Variants in MARCHF1 observed in about 807,000 individuals in gnomAD.
MARCHF1 encodes the protein membrane associated ring-CH-type finger 1.
Under a neutral mutation model 54.2 loss-of-function variants are expected in MARCHF1, and 40 were observed. The observed-to-expected ratio is 0.74, with a 90% CI of 0.57 to 0.96. The LOEUF is 0.96. MARCHF1 is among the 40% of genes least tolerant of loss of function. The pLI is 0.00. For synonymous variants in MARCHF1, 236 were observed against 236.3 expected, an observed-to-expected ratio of 1.00 and a Z score of 0.01; for missense variants, 586 against 656.5, an observed-to-expected ratio of 0.89 and a Z score of 1.17.
intron 3 of MARCHF1, among the ~76,000 whole-genome samples, chr4:163,944,468 C>T (rs1254448299): frequency 1.3e-5 from 2 of 152,148 alleles, no homozygotes; most frequent in Non-Finnish European, 2.9e-5. Context: ...GATAAAGGCC[C>T]AGCTGCTTGA....
intron 3 of MARCHF1, among the ~76,000 whole-genome samples, chr4:163,897,142 C>G (rs1750827433): frequency 6.6e-6 from 1 of 152,210 alleles, no homozygotes; most frequent in Admixed American, 6.5e-5. Flanking sequence ...TAGACCTTGT[C>G]ATTACCACCA....
At chr4:164,194,670 A>G (rs1731206468) in intron 1 of MARCHF1, among the ~76,000 whole-genome samples, 1 of 152,174 alleles carries the variant, frequency 6.6e-6, no homozygotes, top group South Asian at 2.1e-4. Context: ...GACGCATTTA[A>G]TGGATTTTCA....
rs755441539 is a variant in MARCHF1 at position 163,538,327 on chromosome 4, AATT to A, written c.1339+7266_1339+7268del. On this transcript the variant is annotated intron_variant, in intron 9 of 9. Coordinates refer to ENST00000514618, the MANE Select transcript of MARCHF1 (RefSeq NM_001394959.1). ...CAAAAATAAAAAAGTAAAATTTATA[AATT>A]TTTTTTTTTCACACACACACACAAA... 5.3e-5 allele frequency among the ~76,000 whole-genome samples: 3 copies of A among 56,860 alleles called. No homozygotes were observed. The East Asian group carries it at 1.3e-3, about 25-fold the overall frequency. The allele number at this position is 56,860 out of a possible 152,430, so 37.3% of individuals were successfully genotyped here. A position where few individuals can be genotyped will look rare whatever the true frequency, so the allele number is the denominator to read the frequency against.
chr4:163,752,938 T>C (rs991109595), intron 4 of MARCHF1, among the ~76,000 whole-genome samples: 2 of 152,204 alleles, frequency 1.3e-5, no homozygotes, highest in Non-Finnish European at 2.9e-5. Context: ...AAATAAATTT[T>C]CATTGCCAGT....
At chr4:163,713,569 T>C (rs1324017939) in intron 4 of MARCHF1, among the ~76,000 whole-genome samples, 1 of 152,230 alleles carries the variant, frequency 6.6e-6, no homozygotes, top group Non-Finnish European at 1.5e-5. Flanking sequence ...TTGTATTTTA[T>C]GTGAACTTTA....
chr4:163,941,105 C>T lies in MARCHF1; in HGVS notation c.-39+47396G>A, dbSNP rs934302470. 5.3e-5 allele frequency among the ~76,000 whole-genome samples: 8 copies of T among 152,170 alleles called. No homozygotes were observed. In the South Asian group the frequency reaches 1.5e-3, roughly 28 times the overall value. On this transcript the variant is annotated intron_variant, in intron 3 of 9. Transcript: ENST00000514618. ...AGTCTTATGCTTGAATCCTACTCTGCTAAACAGGCTATGTATCCTTGAGAG... is the reference window on the plus strand; with the variant it reads ...AGTCTTATGCTTGAATCCTACTCTGTTAAACAGGCTATGTATCCTTGAGAG...
At chr4:164,012,577 C>T (rs560120758) in intron 2 of MARCHF1, among the ~76,000 whole-genome samples, 1 of 151,794 alleles carries the variant, frequency 6.6e-6, no homozygotes, top group Non-Finnish European at 1.5e-5. Flanking sequence ...TTGGGTGAGT[C>T]CCAGTATTTT....
intron 1 of MARCHF1, among the ~76,000 whole-genome samples, chr4:164,344,795 A>T (rs1269110479): frequency 2.0e-5 from 3 of 152,202 alleles, no homozygotes; most frequent in Non-Finnish European, 2.9e-5. Flanking sequence ...AACTAAAAAT[A>T]GCAAGCAACG....
intron 4 of MARCHF1, among the ~76,000 whole-genome samples, chr4:163,746,801 C>T (rs1475564337): frequency 6.6e-6 from 1 of 152,148 alleles, no homozygotes; most frequent in East Asian, 1.9e-4. Flanking sequence ...ATCGTGCTAC[C>T]CATAAGCTGA....
intron 1 of MARCHF1, among the ~76,000 whole-genome samples, chr4:164,252,275 G>T (rs938528911): frequency 6.6e-6 from 1 of 152,016 alleles, no homozygotes; most frequent in Admixed American, 6.6e-5. Context: ...CTGTAGAATA[G>T]GTAGAACAGA....
intron 1 of MARCHF1, among the ~76,000 whole-genome samples, chr4:164,338,495 A>T (rs1729823286): frequency 6.6e-6 from 1 of 152,188 alleles, no homozygotes; most frequent in African/African-American, 2.4e-5. Context: ...TGGATTTTTT[A>T]AAAAAGAAAC....
rs566216855 is a variant in MARCHF1, at chr4:164,016,665, G to T, written c.-247-27956C>A. On this transcript the variant is annotated intron_variant, in intron 2 of 9. Transcript: ENST00000514618. ...GTAACTAGAGGCTGGGAAGGATGCT[G>T]TGGAGGGGAGAATAAAGACAGGATG... Among the ~76,000 whole-genome samples the T allele has an allele frequency of 2.0e-5, 3 of 152,238 alleles. No individual in the cohort carries two copies. The South Asian group carries it at 6.2e-4, about 32-fold the overall frequency.
At chr4:164,218,894 G>A (rs934523156) in intron 1 of MARCHF1, among the ~76,000 whole-genome samples, 1 of 151,354 alleles carries the variant, frequency 6.6e-6, no homozygotes, top group Admixed American at 6.6e-5. Context: ...GAGCCTTTGG[G>A]AACTCCTTGC....
At chr4:163,612,140 T>C (rs762510344) in intron 7 of MARCHF1, 131 bp downstream of exon 7, 12 of 821,694 alleles carry the variant, frequency 1.5e-5, no homozygotes, top group Non-Finnish European at 2.1e-5. Context: ...TTTTCTCCTT[T>C]TATATCCAAT....
chr4:163,824,269 C>T (rs1477822469), intron 4 of MARCHF1, among the ~76,000 whole-genome samples: 3 of 151,772 alleles, frequency 2.0e-5, no homozygotes, highest in Non-Finnish European at 1.5e-5. Flanking sequence ...ATTTTTTATA[C>T]CAAATCTGGT....
At chr4:164,037,174 G>C (rs1291891014) in intron 2 of MARCHF1, among the ~76,000 whole-genome samples, 1 of 152,066 alleles carries the variant, frequency 6.6e-6, no homozygotes. Context: ...GATGTCTAAT[G>C]GATATTCAAG....
At chr4:163,991,850 TG>T (rs1257387692) in intron 2 of MARCHF1, among the ~76,000 whole-genome samples, 1 of 152,144 alleles carries the variant, frequency 6.6e-6, no homozygotes, top group African/African-American at 2.4e-5. Context: ...CCCTCGGCTC[TG>T]GGGACAGGTT....
intron 1 of MARCHF1, among the ~76,000 whole-genome samples, chr4:164,266,674 T>C (rs1453860470): frequency 6.6e-6 from 1 of 152,190 alleles, no homozygotes; most frequent in Non-Finnish European, 1.5e-5. Context: ...CCTGTAATTG[T>C]TGCCCATTTC....
chr4:163,893,789 T>C (rs1750716650), intron 3 of MARCHF1, among the ~76,000 whole-genome samples: 1 of 152,162 alleles, frequency 6.6e-6, no homozygotes, highest in Admixed American at 6.6e-5. Flanking sequence ...AGACATTTAA[T>C]AGCATCCCTA....
Sources: gnomAD v4.1 joint callset for allele counts (sites outside exome capture counted in the v4.1 genomes callset) on GRCh38, gnomAD v4.1.1 for gene constraint, MANE v1.5 for transcripts, NCBI Gene and HGNC (gene_info 2026-07-23, HGNC 2026-07-21) for gene names.